FARP1: variants seen among roughly 807,000 people sequenced by gnomAD.
FARP1 encodes FERM, ARHGEF and pleckstrin domain-containing protein 1.
A neutral mutation model predicts 128.8 loss-of-function variants in FARP1; 52 were observed. The observed-to-expected ratio is 0.40, with a 90% CI of 0.32 to 0.51. The LOEUF (loss-of-function observed/expected upper bound fraction) is 0.51, where lower values mean the gene tolerates loss of function less well. Among genes scored for constraint, FARP1 ranks in the 20% least tolerant of loss-of-function variants. FARP1 has a pLI of 0.45. For missense variants in FARP1, 1,333 were observed against 1,367.9 expected, an observed-to-expected ratio of 0.97 and a Z score of 0.40; for synonymous variants, 580 against 551.8, an observed-to-expected ratio of 1.05 and a Z score of -0.72.
intron 2 of FARP1, among the ~76,000 whole-genome samples, chr13:98,292,710 A>G (rs1410084326): frequency 6.6e-6 from 1 of 152,192 alleles, no homozygotes; most frequent in Non-Finnish European, 1.5e-5. Flanking sequence ...ATAAATTATC[A>G]TACATGTCAC....
At chr13:98,243,719 T>A (rs1483480594) in intron 2 of FARP1, among the ~76,000 whole-genome samples, 4 of 134,358 alleles carry the variant, frequency 3.0e-5, no homozygotes, top group South Asian at 2.3e-4. Context: ...AAAAAAAAAA[T>A]CTGTATAACT....
At position 98,337,151 on chromosome 13, in the gene FARP1, G is replaced by A. The variant is rs182054728; in HGVS notation, c.172-6611G>A. ...GGAGGCCGAGGCAGGATGATCACCTGAGCTCAGGAGTTTGAGACCAGCCTG... is the reference window on the plus strand; with the variant it reads ...GGAGGCCGAGGCAGGATGATCACCTAAGCTCAGGAGTTTGAGACCAGCCTG... On this transcript the variant is annotated intron_variant, in intron 2 of 26. Transcript: ENST00000319562. Among the ~76,000 whole-genome samples, 268 of 152,214 alleles carry A rather than the reference G, an allele frequency of 1.8e-3. 6 individuals carry two copies. Among genetic ancestry groups the A allele is most frequent in the Admixed American group, 0.012 (176 of 15,294 alleles).
intron 9 of FARP1, 151 bp downstream of exon 9, chr13:98,388,629 G>A (rs1449563728): frequency 1.6e-6 from 1 of 639,666 alleles, no homozygotes; most frequent in Non-Finnish European, 2.8e-6. Context: ...AGCGTCTCTA[G>A]GACAGATGTA....
rs1181741054 is a variant in FARP1 at position 98,431,327 on chromosome 13, G to A, written c.2143+47G>A. 3 of 1,379,428 alleles carry A rather than the reference G, an allele frequency of 2.2e-6. No homozygotes were observed. In the Admixed American group the frequency reaches 6.1e-5, roughly 28 times the overall value. The allele number at this position is 1,379,428 out of a possible 1,614,324, so 85.4% of individuals were successfully genotyped here. On this transcript the variant is annotated intron_variant, in intron 18 of 26. Transcript: ENST00000319562. ...CACCTGGTGCCCATGCCACAGTTCA[G>A]GCCGGGTGCTCCCAGACTGAGCCCA...
chr13:98,316,646 T>TA (rs1566869955), intron 2 of FARP1, among the ~76,000 whole-genome samples: 1 of 152,206 alleles, frequency 6.6e-6, no homozygotes, highest in Non-Finnish European at 1.5e-5. Flanking sequence ...GTAACACAGC[T>TA]AAAGTTTTTA....
intron 17 of FARP1, among the ~76,000 whole-genome samples, chr13:98,427,177 C>G (rs1459388772): frequency 6.6e-6 from 1 of 152,014 alleles, no homozygotes; most frequent in Non-Finnish European, 1.5e-5. Context: ...CTATTCATCC[C>G]CCTTAGATGC....
chr13:98,428,398 T>A lies in FARP1; in HGVS notation c.1906-2645T>A, dbSNP rs1476872670. Among the ~76,000 whole-genome samples, 5 of 152,102 alleles carry A rather than the reference T, an allele frequency of 3.3e-5. 1 individual carries two copies. Among genetic ancestry groups the A allele is most frequent in the Admixed American group, 2.6e-4 (4 of 15,276 alleles). ...TACCACCTGTACCTCTTTCTGACAC[T>A]TCTACCACTTTGCTTCTCCTGGCTC... On this transcript the variant is annotated intron_variant, in intron 17 of 26. Coordinates refer to ENST00000319562, the MANE Select transcript of FARP1 (RefSeq NM_005766.4).
chr13:98,244,497 T>G (rs1882952095), intron 2 of FARP1: 1 of 1,614,140 alleles, frequency 6.2e-7, no homozygotes, highest in African/African-American at 1.3e-5. Flanking sequence ...CCAGATGGTG[T>G]CCTCATCCTC....
chr13:98,453,815 CATAT>C lies in FARP1; in HGVS notation c.*5505_*5508del, dbSNP rs72234138. On this transcript the variant is annotated 3_prime_UTR_variant, in exon 27 of 27. Transcript: ENST00000319562. ...TAAAAATGGTAATTATCTGTATTTA[CATAT>C]ATATATTAAAGCAATATTAAAAATA... 0.26 allele frequency: 38,858 copies of C among 151,972 alleles called. 5,084 individuals are homozygous for C. Among genetic ancestry groups the C allele is most frequent in the Non-Finnish European group, 0.3 (20,129 of 67,976 alleles). The allele number at this position is 151,972 out of a possible 1,614,324, so 9.4% of individuals were successfully genotyped here.
intron 2 of FARP1, among the ~76,000 whole-genome samples, chr13:98,264,556 G>T (rs1884014707): frequency 6.6e-6 from 1 of 152,176 alleles, no homozygotes. Flanking sequence ...AGGCACAAGA[G>T]TAGTGATGCT....
intron 2 of FARP1, among the ~76,000 whole-genome samples, chr13:98,342,911 C>CTG (rs1428343508): frequency 1.3e-5 from 2 of 151,920 alleles, no homozygotes; most frequent in African/African-American, 4.8e-5. Flanking sequence ...GTAATCCCAG[C>CTG]TACTCCAGTG....
At chr13:98,308,031 CTCTTTTTTTTTTT>C (rs1886258680) in intron 2 of FARP1, among the ~76,000 whole-genome samples, 1 of 10,522 alleles carries the variant, frequency 9.5e-5, no homozygotes, top group Non-Finnish European at 5.2e-4. Flanking sequence ...CCCACTCTCT[CTCTTTTTTTTTTT>C]TTTTTTTTTT....
At chr13:98,223,407 C>T (rs1360825061) in intron 2 of FARP1, among the ~76,000 whole-genome samples, 1 of 152,212 alleles carries the variant, frequency 6.6e-6, no homozygotes, top group South Asian at 2.1e-4. Context: ...CTCACTGCAA[C>T]CTCCGCCTCC....
At chr13:98,232,803 G>A (rs553703521) in intron 2 of FARP1, among the ~76,000 whole-genome samples, 23 of 152,036 alleles carry the variant, frequency 1.5e-4, no homozygotes, top group Non-Finnish European at 2.5e-4. Flanking sequence ...AGAAAGCTGC[G>A]GTTTGAAACT....
rs1220104198 is a variant in FARP1 at position 98,452,241 on chromosome 13, G to C, written c.*3924G>C. On this transcript the variant is annotated 3_prime_UTR_variant, in exon 27 of 27. Coordinates refer to ENST00000319562, the MANE Select transcript of FARP1 (RefSeq NM_005766.4). ...TGATATGCAGAATCCACTACAAGGT[G>C]CAACAGAAAATCGTATTGGAAAGGA... 4 of 152,250 alleles carry C rather than the reference G, an allele frequency of 2.6e-5. No homozygotes were observed. Among genetic ancestry groups the C allele is most frequent in the Non-Finnish European group, 5.9e-5 (4 of 68,044 alleles). The allele number at this position is 152,250 out of a possible 1,614,324, so 9.4% of individuals were successfully genotyped here.
intron 5 of FARP1, among the ~76,000 whole-genome samples, chr13:98,377,459 G>T (rs1889642861): frequency 6.7e-6 from 1 of 150,110 alleles, no homozygotes; most frequent in East Asian, 2.0e-4. Flanking sequence ...TACTGTTATT[G>T]TCTGAGCCAT....
In FARP1 at chr13:98,343,864, A is replaced by G; in HGVS notation, c.274A>G (p.Thr92Ala). 6.3e-7 allele frequency: 1 copy of G among 1,597,154 alleles called. No homozygotes were observed. Among genetic ancestry groups the G allele is most frequent in the African/African-American group, 1.4e-5 (1 of 73,412 alleles). Residue 92 changes from threonine to alanine, a missense_variant and splice_region_variant, in exon 3 of 27, where the codon ACG becomes GCG. Physicochemically the swap from Thr to Ala is moderately conservative, Grantham distance 58. Coordinates refer to ENST00000319562, the MANE Select transcript of FARP1 (RefSeq NM_005766.4). ...GLEFPDHKKI[T>A]VWLDLLKPIV... ...CGAGTTTCCTGATCACAAAAAGATC[A>G]CGGTAGGTGATGTCAACTTAATGTT...
chr13:98,224,808 C>CA (rs1881664577), intron 2 of FARP1, among the ~76,000 whole-genome samples: 1 of 152,160 alleles, frequency 6.6e-6, no homozygotes, highest in Non-Finnish European at 1.5e-5. Flanking sequence ...TCACAGAGAA[C>CA]ATGAAGGCTG....
intron 15 of FARP1, 93 bp downstream of exon 15, chr13:98,410,916 G>A: frequency 1.7e-6 from 1 of 606,062 alleles, no homozygotes; most frequent in South Asian, 2.4e-5. Flanking sequence ...ATTAAATGTT[G>A]GATTCGCTGA....
Sources: gnomAD v4.1 joint callset for allele counts (sites outside exome capture counted in the v4.1 genomes callset) on GRCh38, gnomAD v4.1.1 for gene constraint, MANE v1.5 for transcripts, NCBI Gene and HGNC (gene_info 2026-07-23, HGNC 2026-07-21) for gene names.